The following DNM3 variants were observed in gnomAD, a reference collection of about 807,000 sequenced individuals.
DNM3 encodes dynamin 3.
Under a neutral mutation model 101.6 loss-of-function variants are expected in DNM3, and 47 were observed. The ratio of observed to expected loss-of-function variants is 0.46; its 90% CI spans 0.37 to 0.59. The LOEUF is 0.59. DNM3 is among the 20% of genes least tolerant of loss of function. The pLI is 0.00. For missense variants in DNM3, 849 were observed against 1,085.7 expected (o/e 0.78, Z 3.06); for synonymous variants, 385 against 387.9 (o/e 0.99, Z 0.09).
intron 14 of DNM3, among the ~76,000 whole-genome samples, chr1:172,243,630 A>C (rs999755473): frequency 6.6e-6 from 1 of 152,178 alleles, no homozygotes; most frequent in African/African-American, 2.4e-5. Flanking sequence ...CAGTGGTCTA[A>C]AGACCGTGGA....
chr1:172,274,073 A>G (rs2063185380), intron 15 of DNM3, among the ~76,000 whole-genome samples: 1 of 152,060 alleles, frequency 6.6e-6, no homozygotes, highest in Non-Finnish European at 1.5e-5. Flanking sequence ...CACTGTCGTA[A>G]AGCAGATGGT....
intron 14 of DNM3, among the ~76,000 whole-genome samples, chr1:172,151,785 A>G (rs1207100334): frequency 6.6e-6 from 1 of 152,102 alleles, no homozygotes; most frequent in Non-Finnish European, 1.5e-5. Flanking sequence ...TCAGGGTCTC[A>G]TGAAGTTAGT....
Position 171,841,561 on chromosome 1 carries a change from C to G in DNM3, c.-96C>G. The G allele has an allele frequency of 6.8e-7, 1 of 1,473,364 alleles. No individual in the cohort carries two copies. The highest frequency in any genetic ancestry group is 9.0e-7 in the Non-Finnish European group (1 of 1,110,900). The allele number at this position is 1,473,364 out of a possible 1,614,324, so 91.3% of individuals were successfully genotyped here. On this transcript the variant is annotated 5_prime_UTR_variant, in exon 1 of 21. Coordinates refer to ENST00000627582, the MANE Select transcript of DNM3 (RefSeq NM_015569.5). ...GCGCCAGGACCTGGCTGGCTGAGCC[C>G]GGCGCAGCAGCAGCAGCCAGGGCAG... is the stretch of plus-strand genomic sequence containing the variant.
chr1:172,298,954 G>A (rs1407476302), intron 15 of DNM3, among the ~76,000 whole-genome samples: 2 of 152,128 alleles, frequency 1.3e-5, no homozygotes, highest in African/African-American at 4.8e-5. Context: ...TCACAACTGT[G>A]ATGAGTGCTA....
chr1:172,250,542 G>A lies in DNM3; in HGVS notation c.1660-3031G>A, dbSNP rs188402138. 4.3e-3 allele frequency among the ~76,000 whole-genome samples: 657 copies of A among 152,246 alleles called. 2 individuals carry two copies. Among genetic ancestry groups the A allele is most frequent in the Non-Finnish European group, 7.1e-3 (481 of 68,006 alleles). On this transcript the variant is annotated intron_variant, in intron 14 of 20. Transcript: ENST00000627582. ...TTCTCTGGTGATGTTAGAGAAATTG[G>A]AAGGCAAGAGACTAGATAGGAGACC...
At position 172,401,029 on chromosome 1, in the gene DNM3, A is replaced by G. The variant is rs181512433; in HGVS notation, c.2523-6743A>G. On this transcript the variant is annotated intron_variant, in intron 20 of 20. Coordinates refer to ENST00000627582, the MANE Select transcript of DNM3 (RefSeq NM_015569.5). ...AGTTAACTTGTCTCTCTCCATCTCA[A>G]CAAGAAACTTCTTCAGGGCAGTGAC... Among the ~76,000 whole-genome samples the G allele has an allele frequency of 1.4e-4, 22 of 152,262 alleles. No individual in the cohort carries two copies. In the East Asian group the frequency reaches 3.9e-3, roughly 27 times the overall value.
chr1:172,137,054 G>A (rs1043567485), intron 14 of DNM3: 1 of 152,150 alleles, frequency 6.6e-6, no homozygotes, highest in Non-Finnish European at 1.5e-5. Context: ...GGAGTCTGAA[G>A]GACGGGTGTA....
chr1:172,187,869 A>G (rs1163953023), intron 14 of DNM3, among the ~76,000 whole-genome samples: 3 of 152,036 alleles, frequency 2.0e-5, no homozygotes, highest in Non-Finnish European at 2.9e-5. Context: ...TCCTTATATC[A>G]GGAATGATTC....
chr1:172,247,727 C>A (rs1270144503), intron 14 of DNM3, among the ~76,000 whole-genome samples: 1 of 151,186 alleles, frequency 6.6e-6, no homozygotes, highest in East Asian at 1.9e-4. Flanking sequence ...TCTTGTCACC[C>A]AGGCTGGAGT....
At chr1:171,947,334 G>A (rs1028337060) in intron 2 of DNM3, among the ~76,000 whole-genome samples, 3 of 152,106 alleles carry the variant, frequency 2.0e-5, no homozygotes, top group Non-Finnish European at 2.9e-5. Context: ...TAGGACTTGT[G>A]TTGTCTGCCG....
chr1:172,367,651 C>A (rs542760754), intron 17 of DNM3, among the ~76,000 whole-genome samples: 6 of 152,008 alleles, frequency 3.9e-5, no homozygotes, highest in Non-Finnish European at 8.8e-5. Context: ...AAACAACTGG[C>A]TGAATGGTTA....
intron 14 of DNM3, among the ~76,000 whole-genome samples, chr1:172,170,101 A>G (rs1165832089): frequency 1.3e-5 from 2 of 151,968 alleles, no homozygotes; most frequent in African/African-American, 2.4e-5. Context: ...TCAGCAGGGA[A>G]GGATTAGGCA....
intron 14 of DNM3, among the ~76,000 whole-genome samples, chr1:172,167,926 T>G (rs1439271156): frequency 3.9e-5 from 6 of 152,012 alleles, no homozygotes; most frequent in Admixed American, 1.3e-4. Context: ...CAGTAAGATT[T>G]TTTTTAAGTG....
chr1:172,286,552 A>G (rs2063711995), intron 15 of DNM3, among the ~76,000 whole-genome samples: 1 of 152,226 alleles, frequency 6.6e-6, no homozygotes, highest in African/African-American at 2.4e-5. Flanking sequence ...TGAAGCTAAT[A>G]CGTTGTACTA....
At chr1:172,188,621 A>G (rs1470283863) in intron 14 of DNM3, among the ~76,000 whole-genome samples, 2 of 152,104 alleles carry the variant, frequency 1.3e-5, no homozygotes, top group Non-Finnish European at 2.9e-5. Context: ...GCAATTATGA[A>G]AAAAGCTACT....
intron 17 of DNM3, among the ~76,000 whole-genome samples, chr1:172,333,851 C>A (rs1331684406): frequency 1.3e-5 from 2 of 152,110 alleles, no homozygotes; most frequent in Non-Finnish European, 2.9e-5. Flanking sequence ...TGACAACACA[C>A]ATTCTTCAAC....
chr1:172,223,533 T>G (rs1253868473), intron 14 of DNM3, among the ~76,000 whole-genome samples: 1 of 152,122 alleles, frequency 6.6e-6, no homozygotes, highest in African/African-American at 2.4e-5. Context: ...TCTCCATTAC[T>G]CCATCTCCTC....
intron 15 of DNM3, among the ~76,000 whole-genome samples, chr1:172,264,106 G>A (rs1046923083): frequency 1.3e-5 from 2 of 152,168 alleles, no homozygotes; most frequent in African/African-American, 4.8e-5. Context: ...CTTTCATTAG[G>A]TCATGGCATG....
chr1:172,121,807 T>A (rs993313052), intron 13 of DNM3, among the ~76,000 whole-genome samples: 2 of 152,196 alleles, frequency 1.3e-5, no homozygotes, highest in African/African-American at 2.4e-5. Flanking sequence ...GCAGCTGTAT[T>A]TTAAAAAGTG....
Sources: allele counts gnomAD v4.1 joint callset (sites outside exome capture counted in the v4.1 genomes callset), GRCh38; gene constraint gnomAD v4.1.1; transcripts MANE v1.5; gene names NCBI Gene and HGNC (gene_info 2026-07-23, HGNC 2026-07-21).